The following SCARA5 variants were observed in gnomAD, a reference collection of about 807,000 sequenced individuals.
The protein encoded by SCARA5 is scavenger receptor class A member 5, also known as scavenger receptor class A, member 5 (putative).
In SCARA5, 45 loss-of-function variants were observed where a neutral mutation model predicts 46.3. That is an observed-to-expected ratio of 0.97 (90% CI 0.76 to 1.24). SCARA5 has a LOEUF of 1.24. Among genes scored for constraint, SCARA5 ranks in the 50% most tolerant of loss-of-function variants. The pLI is 0.00. For synonymous variants in SCARA5, 333 were observed against 306.5 expected (o/e 1.09, Z -0.90); for missense variants, 680 against 689.0 (o/e 0.99, Z 0.15).
intron 3 of SCARA5, among the ~76,000 whole-genome samples, chr8:27,956,585 A>G (rs933704942): frequency 2.6e-5 from 4 of 152,194 alleles, no homozygotes; most frequent in Admixed American, 6.5e-5. Flanking sequence ...TGAGGTCCAG[A>G]GAGGTTTAAA....
chr8:27,879,459 G>A (rs1806773586), intron 8 of SCARA5, 110 bp downstream of exon 8: 1 of 1,057,028 alleles, frequency 9.5e-7, no homozygotes, highest in East Asian at 2.4e-5. Flanking sequence ...TTGGGGAGAG[G>A]CTGGGGACCT....
intron 2 of SCARA5, among the ~76,000 whole-genome samples, chr8:27,967,530 A>AT (rs940377547): frequency 1.3e-4 from 20 of 152,064 alleles, no homozygotes; most frequent in Non-Finnish European, 2.4e-4. Flanking sequence ...GGGGGACGGC[A>AT]TTTTTTTAAA....
intron 3 of SCARA5, among the ~76,000 whole-genome samples, chr8:27,937,976 T>G (rs981835945): frequency 1.3e-5 from 2 of 152,110 alleles, no homozygotes; most frequent in African/African-American, 4.8e-5. Flanking sequence ...CTTCCACGTG[T>G]GGATTTGGAG....
At chr8:27,959,917 C>T (rs1274707531) in intron 3 of SCARA5, among the ~76,000 whole-genome samples, 1 of 152,198 alleles carries the variant, frequency 6.6e-6, no homozygotes, top group Non-Finnish European at 1.5e-5. Context: ...CCTGGAAATG[C>T]TGTTCTGTTC....
In SCARA5 at chr8:27,871,564, C is replaced by T. The variant is rs941967018; in HGVS notation, c.*370G>A. On this transcript the variant is annotated 3_prime_UTR_variant, in exon 9 of 9. Transcript: ENST00000354914. ...TCTATACTACCAACCATCGCTGCTGCTGCACTTGTCTCTGACACATTCTCA... is the reference window on the plus strand; with the variant it reads ...TCTATACTACCAACCATCGCTGCTGTTGCACTTGTCTCTGACACATTCTCA... 7.3e-6 allele frequency: 8 copies of T among 1,095,568 alleles called. No individual in the cohort carries two copies. Among genetic ancestry groups the T allele is most frequent in the East Asian group, 6.2e-5 (1 of 16,114 alleles). The allele number at this position is 1,095,568 out of a possible 1,614,324, so 67.9% of individuals were successfully genotyped here.
intron 3 of SCARA5, among the ~76,000 whole-genome samples, chr8:27,947,687 A>T (rs1808059586): frequency 6.7e-6 from 1 of 149,190 alleles, no homozygotes; most frequent in Non-Finnish European, 1.5e-5. Context: ...CAGCCTGAAC[A>T]TGGCGAAACC....
At chr8:27,879,278 GA>G (rs1273242863) in intron 8 of SCARA5, among the ~76,000 whole-genome samples, 1 of 152,114 alleles carries the variant, frequency 6.6e-6, no homozygotes, top group East Asian at 1.9e-4. Context: ...GGGAGAGAGA[GA>G]CCACAGCAGC....
intron 7 of SCARA5, chr8:27,903,555 C>T (rs943222935): frequency 2.6e-5 from 4 of 152,342 alleles, no homozygotes; most frequent in Admixed American, 2.6e-4. Flanking sequence ...ATGGTTATCG[C>T]CCATGTGGGA....
chr8:27,937,447 G>T (rs377748350), intron 3 of SCARA5, among the ~76,000 whole-genome samples: 1 of 152,166 alleles, frequency 6.6e-6, no homozygotes, highest in Admixed American at 6.5e-5. Context: ...GGGGGCATGA[G>T]GCCCCAGTTG....
chr8:27,982,728 C>G (rs1203218830), intron 2 of SCARA5, among the ~76,000 whole-genome samples: 1 of 152,174 alleles, frequency 6.6e-6, no homozygotes, highest in African/African-American at 2.4e-5. Flanking sequence ...CAAGGGGTAC[C>G]TGCGGGGCCT....
At chr8:27,961,657 AG>A (rs1808296187) in intron 3 of SCARA5, among the ~76,000 whole-genome samples, 3 of 152,158 alleles carry the variant, frequency 2.0e-5, no homozygotes, top group Admixed American at 6.5e-5. Flanking sequence ...CAACTCAGAC[AG>A]GCTGGCTCCA....
intron 3 of SCARA5, among the ~76,000 whole-genome samples, chr8:27,945,269 C>A (rs765191216): frequency 1.3e-5 from 2 of 151,954 alleles, no homozygotes; most frequent in Non-Finnish European, 2.9e-5. Context: ...ATGAACGTAA[C>A]TTTGATCACG....
chr8:27,978,136 C>A (rs1808556075), intron 2 of SCARA5, among the ~76,000 whole-genome samples: 1 of 149,516 alleles, frequency 6.7e-6, no homozygotes, highest in Non-Finnish European at 1.5e-5. Flanking sequence ...AAGCAATGAT[C>A]CTGCCTCAGC....
At chr8:27,877,730 T>C (rs1022843867) in intron 8 of SCARA5, among the ~76,000 whole-genome samples, 1 of 152,166 alleles carries the variant, frequency 6.6e-6, no homozygotes, top group Non-Finnish European at 1.5e-5. Context: ...CAGTATTCTT[T>C]CCTGGTAGGC....
chr8:27,873,993 CGAGCCGAGATCATGCCAGCTTGGGTGACA>C (rs1349411404), intron 8 of SCARA5, among the ~76,000 whole-genome samples: 1 of 152,110 alleles, frequency 6.6e-6, no homozygotes, highest in Non-Finnish European at 1.5e-5. Context: ...GAGGTTACAG[CGAGCCGAGATCATGCCAGCTTGGGTGACA>C]GAGCAAGACT....
chr8:27,935,929 C>T lies in SCARA5; in HGVS notation c.242-13684G>A, dbSNP rs531762849. On this transcript the variant is annotated intron_variant, in intron 3 of 8. Transcript: ENST00000354914. The stretch of plus-strand genomic sequence containing the variant: ...GGAGGGCAGCACATTGGTAATTTTT[C>T]GATAAGCCCTTTTTATTTTTCCTTT... 3.3e-5 allele frequency among the ~76,000 whole-genome samples: 5 copies of T among 152,258 alleles called. No individual in the cohort carries two copies. The South Asian group carries it at 6.2e-4, about 19-fold the overall frequency.
intron 2 of SCARA5, among the ~76,000 whole-genome samples, chr8:27,969,038 T>C (rs1808410135): frequency 6.6e-6 from 1 of 152,158 alleles, no homozygotes; most frequent in African/African-American, 2.4e-5. Context: ...GGGTTTCAAA[T>C]AGAGGTTTCC....
chr8:27,942,658 G>A (rs752672774), intron 3 of SCARA5, among the ~76,000 whole-genome samples: 34 of 152,098 alleles, frequency 2.2e-4, no homozygotes, highest in Non-Finnish European at 4.6e-4. Context: ...TTTAACTCTC[G>A]GGCTGCACGG....
At chr8:27,898,590 A>C (rs746909489) in intron 7 of SCARA5, among the ~76,000 whole-genome samples, 1 of 152,256 alleles carries the variant, frequency 6.6e-6, no homozygotes, top group African/African-American at 2.4e-5. Flanking sequence ...TGACAGGAGC[A>C]TCTCTTGTGA....
Sources: gnomAD v4.1 joint callset for allele counts (sites outside exome capture counted in the v4.1 genomes callset) on GRCh38, gnomAD v4.1.1 for gene constraint, MANE v1.5 for transcripts, NCBI Gene and HGNC (gene_info 2026-07-23, HGNC 2026-07-21) for gene names.